The following RNF220 variants were observed in gnomAD, a reference collection of about 807,000 sequenced individuals.
RNF220 encodes E3 ubiquitin-protein ligase RNF220.
A neutral mutation model predicts 67.1 loss-of-function variants in RNF220; 7 were observed. The ratio of observed to expected loss-of-function variants is 0.10; its 90% CI spans 0.06 to 0.20. RNF220 has a LOEUF of 0.20. RNF220 is among the 10% of genes least tolerant of loss of function. The pLI, the probability that RNF220 is intolerant of heterozygous loss-of-function variation, is 1.00. For missense variants in RNF220, 565 were observed against 740.3 expected, an observed-to-expected ratio of 0.76 and a Z score of 2.75; for synonymous variants, 270 against 283.2, an observed-to-expected ratio of 0.95 and a Z score of 0.47.
intron 2 of RNF220, among the ~76,000 whole-genome samples, chr1:44,475,427 C>T (rs1305029581): frequency 5.9e-5 from 9 of 151,462 alleles, no homozygotes; most frequent in South Asian, 2.1e-4. Context: ...AAAAATTAGC[C>T]GGCATGGTGG....
chr1:44,504,896 T>C (rs1052907422), intron 2 of RNF220, among the ~76,000 whole-genome samples: 2 of 152,186 alleles, frequency 1.3e-5, no homozygotes, highest in Non-Finnish European at 2.9e-5. Context: ...ACATGTGGTA[T>C]CCTCAGGGCC....
intron 2 of RNF220, 67 bp from the exon 3 acceptor site, chr1:44,614,098 G>A (rs907935091): frequency 1.9e-6 from 3 of 1,598,460 alleles, no homozygotes; most frequent in Admixed American, 3.4e-5. Context: ...TTTCAGGACT[G>A]GGATGCTGGG....
intron 2 of RNF220, among the ~76,000 whole-genome samples, chr1:44,590,604 C>T (rs746408318): frequency 3.3e-5 from 5 of 152,244 alleles, no homozygotes; most frequent in Non-Finnish European, 7.3e-5. Flanking sequence ...TTGCCCCTGG[C>T]AGGCTCTGTT....
chr1:44,440,783 G>A (rs539503896), intron 2 of RNF220, among the ~76,000 whole-genome samples: 1 of 152,214 alleles, frequency 6.6e-6, no homozygotes, highest in African/African-American at 2.4e-5. Flanking sequence ...TGTTGAGGCA[G>A]TATTAATCAT....
chr1:44,532,869 TC>T (rs1660936415), intron 2 of RNF220, among the ~76,000 whole-genome samples: 2 of 152,158 alleles, frequency 1.3e-5, no homozygotes, highest in South Asian at 4.1e-4. Context: ...TGCTGAATGG[TC>T]CTGCCCCTGA....
rs146470721 is a variant in RNF220 at position 44,522,357 on chromosome 1, A to G, written c.626-91808A>G. 1.9e-3 allele frequency among the ~76,000 whole-genome samples: 285 copies of G among 152,352 alleles called. 2 individuals carry two copies. The highest frequency in any genetic ancestry group is 6.5e-3 in the African/African-American group (271 of 41,578). On this transcript the variant is annotated intron_variant, in intron 2 of 14. Coordinates refer to ENST00000361799, the MANE Select transcript of RNF220 (RefSeq NM_018150.4). ...AGAGTCCTGAAAGCTAAATGGAATG[A>G]CATGCAAAATGCCTAACATGGAGCC...
rs1573207005 is a variant in RNF220, at chr1:44,650,500, C to G, written c.1630-204C>G. 1 of 599,326 alleles carries G rather than the reference C, an allele frequency of 1.7e-6. No homozygotes were observed. Among genetic ancestry groups the G allele is most frequent in the Non-Finnish European group, 3.0e-6 (1 of 334,064 alleles). The allele number at this position is 599,326 out of a possible 1,614,324, so 37.1% of individuals were successfully genotyped here. ...ACTGGGGCTCCTGCTGCGGGGCTGG[C>G]CAGGCGGTTTGATCCTGGCGTCCCC... On this transcript the variant is annotated intron_variant, in intron 14 of 14. Coordinates refer to ENST00000361799, the MANE Select transcript of RNF220 (RefSeq NM_018150.4). The surrounding 1 kb of genome is among the most constrained non-coding windows in gnomAD (Gnocchi z 4.3).
chr1:44,537,800 A>G (rs1572812683), intron 2 of RNF220, among the ~76,000 whole-genome samples: 1 of 152,098 alleles, frequency 6.6e-6, no homozygotes. Context: ...GAATGTTCCC[A>G]CTGTGTTTGT....
rs1648112122 is a variant in RNF220, at chr1:44,412,844, A to C, written c.625+122A>C. On this transcript the variant is annotated intron_variant, in intron 2 of 14. Coordinates refer to ENST00000361799, the MANE Select transcript of RNF220 (RefSeq NM_018150.4). This position sits in a 1 kb window ranked among gnomAD's most constrained non-coding sequence, Gnocchi z 5.3. ...AGGAAGGGCCAACTACTTCCCTTTC[A>C]CTAGCTGTGGAGTGCTAACCTTTGC... 1.0e-5 allele frequency: 11 copies of C among 1,083,636 alleles called. No individual in the cohort carries two copies. In the South Asian group the frequency reaches 1.5e-4, roughly 15 times the overall value. The allele number at this position is 1,083,636 out of a possible 1,614,324, so 67.1% of individuals were successfully genotyped here.
chr1:44,595,032 G>A (rs1472231382), intron 2 of RNF220, among the ~76,000 whole-genome samples: 1 of 152,200 alleles, frequency 6.6e-6, no homozygotes, highest in Admixed American at 6.5e-5. Context: ...TTAGGACCTT[G>A]CCACTCAAAG....
At chr1:44,414,757 T>C (rs1427489945) in intron 2 of RNF220, among the ~76,000 whole-genome samples, 1 of 152,066 alleles carries the variant, frequency 6.6e-6, no homozygotes, top group Non-Finnish European at 1.5e-5. Context: ...TTATTTCCAA[T>C]GCGGTGTTAT....
chr1:44,518,904 T>C (rs1659685911), intron 2 of RNF220, among the ~76,000 whole-genome samples: 1 of 150,594 alleles, frequency 6.6e-6, no homozygotes, highest in Admixed American at 6.6e-5. Context: ...AAAAAAAAAC[T>C]TAATCCTGAT....
intron 2 of RNF220, among the ~76,000 whole-genome samples, chr1:44,446,715 C>T (rs879423613): frequency 4.6e-5 from 7 of 152,070 alleles, no homozygotes; most frequent in Non-Finnish European, 1.0e-4. Context: ...CATGCCACCA[C>T]GCCCAGCTAA....
intron 2 of RNF220, among the ~76,000 whole-genome samples, chr1:44,583,839 T>C (rs1665495827): frequency 1.3e-5 from 2 of 152,226 alleles, no homozygotes; most frequent in Admixed American, 1.3e-4. Flanking sequence ...CAGTCTAATT[T>C]CTCAGTAAAG....
chr1:44,404,878 G>A (rs1315406389), upstream of RNF220, among the ~76,000 whole-genome samples: 13 of 152,260 alleles, frequency 8.5e-5, no homozygotes, highest in East Asian at 2.5e-3. Context: ...GGTCATTTAA[G>A]CAGCAGTGGA....
chr1:44,638,767 G>A (rs191319107), intron 8 of RNF220, among the ~76,000 whole-genome samples: 83 of 152,278 alleles, frequency 5.5e-4, no homozygotes, highest in Admixed American at 5.2e-3. Context: ...GGGAGTACTC[G>A]GATTGATATT....
chr1:44,459,046 C>A (rs578097956), intron 2 of RNF220, among the ~76,000 whole-genome samples: 2 of 152,258 alleles, frequency 1.3e-5, no homozygotes, highest in East Asian at 3.9e-4. Flanking sequence ...TAGATCCAAG[C>A]CAGACCTTTA....
intron 2 of RNF220, among the ~76,000 whole-genome samples, chr1:44,534,973 T>C (rs937698734): frequency 3.9e-5 from 6 of 152,160 alleles, no homozygotes; most frequent in Non-Finnish European, 7.3e-5. Flanking sequence ...GGGGGAGCTA[T>C]TGAGTTGTCC....
intron 2 of RNF220, among the ~76,000 whole-genome samples, chr1:44,460,154 G>GGT (rs1653622402): frequency 6.6e-6 from 1 of 152,196 alleles, no homozygotes; most frequent in South Asian, 2.1e-4. Context: ...CGTCTCACGG[G>GGT]GTGAGGGAGC....
Sources: allele counts gnomAD v4.1 joint callset (sites outside exome capture counted in the v4.1 genomes callset), GRCh38; gene constraint gnomAD v4.1.1; non-coding constraint Gnocchi (gnomAD v3.1); transcripts MANE v1.5; gene names NCBI Gene and HGNC (gene_info 2026-07-23, HGNC 2026-07-21).